The following SPINK5 variants were observed in gnomAD, a reference collection of about 807,000 sequenced individuals.
The protein encoded by SPINK5 is serine protease inhibitor Kazal-type 5.
SPINK5 carries 125 observed loss-of-function variants against 151.8 expected under a neutral mutation model. The ratio of observed to expected loss-of-function variants is 0.82; its 90% CI spans 0.71 to 0.96. SPINK5 has a LOEUF of 0.96. Ranked by LOEUF, SPINK5 falls within the 40% of genes least tolerant of loss-of-function variation. The probability of loss-of-function intolerance (pLI) is 0.00; values close to 1 mark genes in which losing one functional copy is unlikely to be tolerated. For missense variants in SPINK5, 1,194 were observed against 1,291.9 expected, an observed-to-expected ratio of 0.92 and a Z score of 1.16; for synonymous variants, 374 against 395.3, an observed-to-expected ratio of 0.95 and a Z score of 0.64.
At chr5:148,065,490 C>G in intron 2 of SPINK5, 118 bp downstream of exon 2, 2 of 1,132,482 alleles carry the variant, frequency 1.8e-6, no homozygotes, top group Non-Finnish European at 2.6e-6. Flanking sequence ...GTACTAATAG[C>G]TTTTGTTAAA....
At chr5:148,076,191 A>AT (rs1360920336) in intron 4 of SPINK5, among the ~76,000 whole-genome samples, 1 of 151,780 alleles carries the variant, frequency 6.6e-6, no homozygotes, top group Non-Finnish European at 1.5e-5. Context: ...GGGTGAAAGC[A>AT]TTGTTAGCTT....
chr5:148,108,301 AAT>A lies in SPINK5; in HGVS notation c.1608-450_1608-449del, dbSNP rs552918406. Among the ~76,000 whole-genome samples, 4 of 152,324 alleles carry A rather than the reference AAT, an allele frequency of 2.6e-5. No individual in the cohort carries two copies. The South Asian group carries it at 8.3e-4, about 32-fold the overall frequency. ...TCAACTTCAATATTAGCTCCATTGA[AAT>A]AATATTTAAAATTTTTAGTTTAAAG... On this transcript the variant is annotated intron_variant, in intron 17 of 32. Coordinates refer to ENST00000256084, the MANE Select transcript of SPINK5 (RefSeq NM_006846.4).
In SPINK5 at chr5:148,125,739, T is replaced by G; in HGVS notation, c.2756T>G (p.Phe919Cys). The G allele has an allele frequency of 6.2e-7, 1 of 1,614,146 alleles. No individual in the cohort carries two copies. Among genetic ancestry groups the G allele is most frequent in the Non-Finnish European group, 8.5e-7 (1 of 1,180,018 alleles). ...SNNAKDECSE[F>C]RNYIRNNELI... ...ATTTTCTAGGATGAGTGCAGTGAAT[T>G]TCGAAACTATATAAGGAACAATGAA... Residue 919 changes from phenylalanine (F) to cysteine (C), a missense_variant, in exon 29 of 33, where the codon TTT becomes TGT. Coordinates refer to ENST00000256084, the MANE Select transcript of SPINK5 (RefSeq NM_006846.4).
Position 148,124,774 on chromosome 5 carries a change from A to C in SPINK5, c.2676A>C (p.Glu892Asp). ...CAMCQSIFDR[E>D]ANERKKKDEE... ...TTTAATTATTCTGCAGTGATCGAGA[A>C]GCTAATGAAAGAAAAAAGAAAGATG... The change falls in exon 28 of 33, where the codon GAA becomes GAC. Residue 892 changes from glutamate (E) to aspartate (D), a missense_variant. Transcript: ENST00000256084. 5 of 1,605,218 alleles carry C rather than the reference A, an allele frequency of 3.1e-6. No homozygotes were observed. The highest frequency in any genetic ancestry group is 3.4e-6 in the Non-Finnish European group (4 of 1,175,516).
intron 17 of SPINK5, 122 bp from the exon 18 acceptor site, chr5:148,108,627 CTAGA>C: frequency 7.3e-7 from 1 of 1,365,702 alleles, no homozygotes; most frequent in Non-Finnish European, 1.0e-6. Flanking sequence ...ACCTCTCAGA[CTAGA>C]TAAATTTGTA....
intron 1 of SPINK5, among the ~76,000 whole-genome samples, chr5:148,064,921 A>C (rs1236913422): frequency 4.6e-5 from 7 of 152,156 alleles, no homozygotes; most frequent in African/African-American, 7.2e-5. Context: ...AATTTTATGT[A>C]TATATCCTAT....
intron 26 of SPINK5, among the ~76,000 whole-genome samples, chr5:148,123,075 C>G (rs945488841): frequency 2.0e-5 from 3 of 151,636 alleles, no homozygotes; most frequent in Non-Finnish European, 4.4e-5. Flanking sequence ...GGACAGGGCA[C>G]TGGGGGCTCA....
At chr5:148,095,955 G>T (rs777011934) in intron 10 of SPINK5, 50 bp downstream of exon 10, 71 of 1,416,820 alleles carry the variant, frequency 5.0e-5, no homozygotes, top group Non-Finnish European at 5.6e-5. Flanking sequence ...TGTGTGGGGG[G>T]GTGCGTGTGT....
At chr5:148,098,377 T>C (rs747548426) in intron 11 of SPINK5, among the ~76,000 whole-genome samples, 1 of 152,126 alleles carries the variant, frequency 6.6e-6, no homozygotes, top group African/African-American at 2.4e-5. Context: ...AAAATTCCCA[T>C]GAAACAACAC....
intron 16 of SPINK5, among the ~76,000 whole-genome samples, chr5:148,105,917 C>T (rs1388107451): frequency 6.6e-6 from 1 of 151,982 alleles, no homozygotes; most frequent in Non-Finnish European, 1.5e-5. Context: ...AGCCACTGCA[C>T]CCGGCCTGTT....
chr5:148,112,237 TTGAAAA>T lies in SPINK5; in HGVS notation c.1820+346_1820+351del, dbSNP rs1753954548. Among the ~76,000 whole-genome samples, 3 of 152,316 alleles carry T rather than the reference TTGAAAA, an allele frequency of 2.0e-5. No individual in the cohort carries two copies. In the East Asian group the frequency reaches 5.8e-4, roughly 29 times the overall value. ...GGTGTAATCATTAGGTGCTAATAAATTGAAAATGAGTTAACATCTAATTGATATCTT... is the reference window on the plus strand; with the variant it reads ...GGTGTAATCATTAGGTGCTAATAAATTGAGTTAACATCTAATTGATATCTT... On this transcript the variant is annotated intron_variant, in intron 19 of 32. Transcript: ENST00000256084.
chr5:148,065,804 A>G (rs931518762), intron 2 of SPINK5, among the ~76,000 whole-genome samples: 1 of 152,176 alleles, frequency 6.6e-6, no homozygotes, highest in Non-Finnish European at 1.5e-5. Context: ...TAGTTCATGT[A>G]ATGAATATTT....
chr5:148,084,981 T>C (rs1430868562), intron 4 of SPINK5, among the ~76,000 whole-genome samples: 1 of 151,844 alleles, frequency 6.6e-6, no homozygotes, highest in Admixed American at 6.6e-5. Context: ...TTTTTCTCTC[T>C]CTCTCTTTTT....
In SPINK5 at chr5:148,070,425, A is replaced by G. The variant is rs1405582913; in HGVS notation, c.184A>G (p.Lys62Glu). 6.2e-7 allele frequency: 1 copy of G among 1,612,788 alleles called. No homozygotes were observed. The highest frequency in any genetic ancestry group is 1.7e-5 in the Admixed American group (1 of 59,870). The change falls in exon 3 of 33, where the codon AAA (lysine) becomes GAA (glutamate). Residue 62 changes from lysine to glutamate, a missense_variant. Transcript: ENST00000256084. ...QSLDGIMFIN[K>E]CATCKMILEK... Reference sequence around the variant, plus strand: ...TCTTGATGGAATAATGTTCATCAATAAATGTGCCACGTGCAAAATGATACT... The same window carrying G: ...TCTTGATGGAATAATGTTCATCAATGAATGTGCCACGTGCAAAATGATACT...
In SPINK5 at chr5:148,120,038, G is replaced by C. The variant is rs1452834406; in HGVS notation, c.2343G>C (p.Met781Ile). The C allele has an allele frequency of 8.1e-6, 13 of 1,613,890 alleles. No homozygotes were observed. Among genetic ancestry groups the C allele is most frequent in the Middle Eastern group, 3.3e-4 (2 of 6,060 alleles). Residue 781 changes from methionine to isoleucine, a missense_variant, in exon 25 of 33, where the codon ATG (methionine) becomes ATC (isoleucine). By Grantham distance (10) the Met-to-Ile change is conservative (BLOSUM62 1). Transcript: ENST00000256084. ...CATGTGATGAGTTTAGAAGCCAAATGAAAAATGGAAAACTCATCTGCACTC... is the reference window on the plus strand; with the variant it reads ...CATGTGATGAGTTTAGAAGCCAAATCAAAAATGGAAAACTCATCTGCACTC... Reference protein sequence around the residue: ...KDTCDEFRSQMKNGKLICTRE... With the variant: ...KDTCDEFRSQIKNGKLICTRE...
intron 10 of SPINK5, among the ~76,000 whole-genome samples, chr5:148,096,876 A>G (rs1753482657): frequency 6.6e-6 from 1 of 150,898 alleles, no homozygotes. Flanking sequence ...CTCACACCTC[A>G]GCTTTCCAAA....
At position 148,099,334 on chromosome 5, in the gene SPINK5, A is replaced by G. The variant is rs754049764; in HGVS notation, c.1092+19A>G. 3.7e-6 allele frequency: 6 copies of G among 1,607,586 alleles called. No individual in the cohort carries two copies. In the African/African-American group the frequency reaches 5.4e-5, roughly 14 times the overall value. Reference sequence around the variant, plus strand: ...ATATGCAGTGAGTGGAATCCATCCAATAAATCCTATTTGGTGCTATAATTT... The same window carrying G: ...ATATGCAGTGAGTGGAATCCATCCAGTAAATCCTATTTGGTGCTATAATTT... On this transcript the variant is annotated intron_variant, in intron 12 of 32. Transcript: ENST00000256084.
chr5:148,128,621 G>A (rs1047306431), intron 30 of SPINK5, among the ~76,000 whole-genome samples: 2 of 152,036 alleles, frequency 1.3e-5, no homozygotes, highest in Non-Finnish European at 2.9e-5. Flanking sequence ...CTCCGCCTCC[G>A]CAGTTCACGC....
chr5:148,106,212 A>T (rs374754847), intron 16 of SPINK5, among the ~76,000 whole-genome samples: 1 of 151,918 alleles, frequency 6.6e-6, no homozygotes, highest in South Asian at 2.1e-4. Context: ...CACATCTCCC[A>T]TTCCTGGTTT....
Sources: allele counts gnomAD v4.1 joint callset (sites outside exome capture counted in the v4.1 genomes callset), GRCh38; gene constraint gnomAD v4.1.1; transcripts MANE v1.5; gene names NCBI Gene and HGNC (gene_info 2026-07-23, HGNC 2026-07-21).